The following ANLN variants were observed in gnomAD, a reference collection of about 807,000 sequenced individuals.
The protein encoded by ANLN is anillin, actin binding protein.
Under a neutral mutation model 135.1 loss-of-function variants are expected in ANLN, and 59 were observed. That is an observed-to-expected ratio of 0.44 (90% CI 0.35 to 0.54). ANLN has a LOEUF of 0.54. Ranked by LOEUF, ANLN falls within the 20% of genes least tolerant of loss-of-function variation. The pLI is 0.00. For synonymous variants in ANLN, 406 were observed against 456.4 expected, an observed-to-expected ratio of 0.89 and a Z score of 1.41; for missense variants, 1,182 against 1,340.0, an observed-to-expected ratio of 0.88 and a Z score of 1.84.
At chr7:36,443,214 C>A (rs903294019) in intron 21 of ANLN, among the ~76,000 whole-genome samples, 7 of 152,202 alleles carry the variant, frequency 4.6e-5, no homozygotes, top group Non-Finnish European at 8.8e-5. Flanking sequence ...GCGTGTCTCA[C>A]GGCCCAGCAG....
chr7:36,435,740 G>A (rs1788510185), intron 20 of ANLN, among the ~76,000 whole-genome samples: 1 of 150,688 alleles, frequency 6.6e-6, no homozygotes, highest in Non-Finnish European at 1.5e-5. Flanking sequence ...GGGCGTGGTA[G>A]CGGGCGCCTG....
At chr7:36,397,530 TTCAAAAA>T (rs1786756969) in intron 2 of ANLN, among the ~76,000 whole-genome samples, 2 of 152,326 alleles carry the variant, frequency 1.3e-5, no homozygotes, top group South Asian at 4.1e-4. Context: ...CAGGAACACT[TTCAAAAA>T]TTATTAGATG....
At chr7:36,426,102 C>CAT in intron 19 of ANLN, 66 bp downstream of exon 19, 1 of 1,151,120 alleles carries the variant, frequency 8.7e-7, no homozygotes, top group Admixed American at 2.7e-5. Context: ...TGCATATTTA[C>CAT]ATATATATAG....
chr7:36,439,181 T>C, intron 20 of ANLN, 23 bp from the exon 21 acceptor site: 1 of 1,377,102 alleles, frequency 7.3e-7, no homozygotes, highest in East Asian at 2.3e-5. Context: ...GTTTTGCAAA[T>C]AATTTACCTG....
At chr7:36,447,228 T>TA (rs1371273372) in intron 22 of ANLN, among the ~76,000 whole-genome samples, 5 of 152,198 alleles carry the variant, frequency 3.3e-5, no homozygotes, top group Non-Finnish European at 7.3e-5. Context: ...GATTTATTCT[T>TA]ACTGTAGATC....
intron 8 of ANLN, 119 bp from the exon 9 acceptor site, chr7:36,416,961 A>G: frequency 1.7e-6 from 1 of 576,006 alleles, no homozygotes; most frequent in South Asian, 3.0e-5. Context: ...CTGGGTTTGG[A>G]TATTTTAAAA....
intron 22 of ANLN, among the ~76,000 whole-genome samples, chr7:36,448,317 G>A (rs1450884766): frequency 6.6e-6 from 1 of 152,100 alleles, no homozygotes; most frequent in Non-Finnish European, 1.5e-5. Flanking sequence ...ACCCAGCCCT[G>A]TTTTGCATTT....
At chr7:36,409,528 T>A (rs146147398) in intron 5 of ANLN, among the ~76,000 whole-genome samples, 1 of 152,338 alleles carries the variant, frequency 6.6e-6, no homozygotes, top group East Asian at 1.9e-4. Flanking sequence ...TATATGCTAA[T>A]CTTTGATATA....
At position 36,407,809 on chromosome 7, in the gene ANLN, C is replaced by T. The variant is rs745520827; in HGVS notation, c.949C>T (p.Leu317Phe). The change falls in exon 5 of 24, where the codon CTT becomes TTT. Residue 317 changes from leucine to phenylalanine, a missense_variant. Transcript: ENST00000265748. ...TTGTGAGGGACAAAATCCTGAGCTA[C>T]TTCCAAAAACTCCTATTAGTCCTCT... The part of the protein sequence containing the change: ...KSCEGQNPEL[L>F]PKTPISPLKT... 6.2e-7 allele frequency: 1 copy of T among 1,613,900 alleles called. No individual in the cohort carries two copies. Among genetic ancestry groups the T allele is most frequent in the African/African-American group, 1.3e-5 (1 of 75,046 alleles).
intron 5 of ANLN, among the ~76,000 whole-genome samples, chr7:36,408,601 C>T (rs947565124): frequency 1.3e-5 from 2 of 152,152 alleles, no homozygotes; most frequent in Non-Finnish European, 2.9e-5. Context: ...TCTCTTGTAG[C>T]TATTTTGAAG....
intron 22 of ANLN, among the ~76,000 whole-genome samples, chr7:36,445,971 T>G (rs1226774174): frequency 2.6e-5 from 4 of 152,212 alleles, no homozygotes; most frequent in African/African-American, 9.6e-5. Flanking sequence ...ATTACTAGAC[T>G]AAGTATCTTT....
At chr7:36,410,781 C>T in intron 6 of ANLN, 77 bp downstream of exon 6, 1 of 1,405,082 alleles carries the variant, frequency 7.1e-7, no homozygotes, top group Admixed American at 2.2e-5. Flanking sequence ...GGTTCTGATG[C>T]CAGTCTTTTT....
intron 1 of ANLN, among the ~76,000 whole-genome samples, chr7:36,394,626 T>C (rs893710219): frequency 2.8e-5 from 4 of 144,640 alleles, no homozygotes; most frequent in Admixed American, 2.0e-4. Flanking sequence ...AAATTAGAAA[T>C]CATTCTTAAG....
chr7:36,413,205 C>T (rs1388438687), intron 7 of ANLN, among the ~76,000 whole-genome samples: 1 of 152,094 alleles, frequency 6.6e-6, no homozygotes, highest in Non-Finnish European at 1.5e-5. Context: ...ACAACTCTTG[C>T]AACCCATTCC....
At chr7:36,391,675 A>T in intron 1 of ANLN, among the ~76,000 whole-genome samples, 1 of 152,226 alleles carries the variant, frequency 6.6e-6, no homozygotes, top group East Asian at 1.9e-4. Context: ...AAGTCAGTAT[A>T]AAATGACTCT....
At position 36,443,619 on chromosome 7, in the gene ANLN, T is replaced by A. The variant is rs12539566; in HGVS notation, c.2971-136T>A. ...ATTTTTATTATTAAGATAAAAGACA[T>A]GATAAAAAAACATACAAATAGGTTT... On this transcript the variant is annotated intron_variant, in intron 21 of 23. Coordinates refer to ENST00000265748, the MANE Select transcript of ANLN (RefSeq NM_018685.5). The A allele has an allele frequency of 2.8e-3, 1,649 of 582,584 alleles. 58 individuals carry two copies. In the Admixed American group the frequency reaches 0.051, roughly 18 times the overall value. The allele number at this position is 582,584 out of a possible 1,614,324, so 36.1% of individuals were successfully genotyped here. A position where few individuals can be genotyped will look rare whatever the true frequency, so the allele number is the denominator to read the frequency against.
At chr7:36,435,687 C>T (rs932036907) in intron 20 of ANLN, among the ~76,000 whole-genome samples, 2 of 151,308 alleles carry the variant, frequency 1.3e-5, no homozygotes, top group African/African-American at 4.9e-5. Flanking sequence ...TCCTGGCTAA[C>T]ACGGTGAAAC....
At chr7:36,391,988 C>G (rs1302736980) in intron 1 of ANLN, among the ~76,000 whole-genome samples, 1 of 151,458 alleles carries the variant, frequency 6.6e-6, no homozygotes, top group Non-Finnish European at 1.5e-5. Flanking sequence ...GCCCAGGTGA[C>G]AAAACCATAA....
At chr7:36,399,689 A>G (rs544756425) in intron 3 of ANLN, among the ~76,000 whole-genome samples, 1 of 152,346 alleles carries the variant, frequency 6.6e-6, no homozygotes, top group Admixed American at 6.5e-5. Flanking sequence ...TGTTGTTAGC[A>G]TTGCTGACCC....
Sources: gnomAD v4.1 joint callset for allele counts (sites outside exome capture counted in the v4.1 genomes callset) on GRCh38, gnomAD v4.1.1 for gene constraint, MANE v1.5 for transcripts, NCBI Gene and HGNC (gene_info 2026-07-23, HGNC 2026-07-21) for gene names.